OC90: variants seen among roughly 807,000 people sequenced by gnomAD.
OC90 encodes the protein otoconin 90.
In OC90, 46 loss-of-function variants were observed where a neutral mutation model predicts 47.3. The observed-to-expected ratio is 0.97, with a 90% CI of 0.77 to 1.24. The LOEUF is 1.24. Ranked by LOEUF, OC90 falls within the 50% of genes most tolerant of loss-of-function variation. The probability of loss-of-function intolerance (pLI) is 0.00; values close to 1 mark genes in which losing one functional copy is unlikely to be tolerated. For synonymous variants in OC90, 271 were observed against 219.5 expected, an observed-to-expected ratio of 1.23 and a Z score of -2.07; for missense variants, 688 against 583.9, an observed-to-expected ratio of 1.18 and a Z score of -1.84.
intron 1 of OC90, among the ~76,000 whole-genome samples, chr8:132,056,973 G>C (rs557605704): frequency 2.0e-5 from 3 of 152,292 alleles, no homozygotes; most frequent in East Asian, 3.9e-4. Flanking sequence ...TTGAGGTTTA[G>C]AGCCTGGCAA....
chr8:132,035,787 C>T (rs115274129), intron 9 of OC90, among the ~76,000 whole-genome samples: 1 of 152,156 alleles, frequency 6.6e-6, no homozygotes, highest in South Asian at 2.1e-4. Context: ...GCAAATGACT[C>T]TACTTCTCAG....
chr8:132,044,586 C>A, intron 3 of OC90, 97 bp from the exon 4 acceptor site: 1 of 712,540 alleles, frequency 1.4e-6, no homozygotes, highest in South Asian at 1.7e-5. Flanking sequence ...AACCTTTCTT[C>A]ATTCTCCAAA....
At chr8:132,039,244 T>G in intron 6 of OC90, 121 bp from the exon 7 acceptor site, 1 of 1,021,258 alleles carries the variant, frequency 9.8e-7, no homozygotes, top group Non-Finnish European at 1.5e-6. Context: ...CCTTGCAATC[T>G]CCATCTCATT....
In OC90 at chr8:132,033,101, A is replaced by C; in HGVS notation, c.797T>G (p.Ile266Ser). 6.2e-7 allele frequency: 1 copy of C among 1,609,892 alleles called. No individual in the cohort carries two copies. Among genetic ancestry groups the C allele is most frequent in the African/African-American group, 1.3e-5 (1 of 75,006 alleles). ...TGACACTGCCAGCCCCAGAGATTTA[A>C]TGCCAGCAGGGACAAGGGTTACAAT... ...AKIVTLVPAG[I>S]KSLGLAVSSV... Residue 266 changes from isoleucine to serine, a missense_variant, in exon 11 of 14, where the codon ATT becomes AGT. Transcript: ENST00000254627.
At chr8:132,043,990 A>G (rs7818833) in intron 4 of OC90, among the ~76,000 whole-genome samples, 94,213 of 152,032 alleles carry the variant, frequency 0.62, 29,743 homozygotes, top group East Asian at 0.75. Flanking sequence ...CAGTTGATAA[A>G]TGGGATCTTT....
intron 2 of OC90, among the ~76,000 whole-genome samples, chr8:132,052,522 G>A (rs1823226616): frequency 6.6e-6 from 1 of 152,152 alleles, no homozygotes; most frequent in South Asian, 2.1e-4. Context: ...TTAATAAGGT[G>A]TGCTTTCTCA....
intron 9 of OC90, among the ~76,000 whole-genome samples, chr8:132,036,088 G>A (rs1176189837): frequency 1.3e-5 from 2 of 152,124 alleles, no homozygotes; most frequent in Non-Finnish European, 2.9e-5. Context: ...ATATTTTTAG[G>A]GAAGACAGTG....
chr8:132,058,900 G>A (rs943275988), intron 1 of OC90, among the ~76,000 whole-genome samples: 2 of 151,968 alleles, frequency 1.3e-5, no homozygotes, highest in Admixed American at 6.6e-5. Context: ...TTCACAGATC[G>A]ACTCAGAGCA....
rs369078046 is a variant in OC90, at chr8:132,044,363, C to T, written c.169+70G>A. On this transcript the variant is annotated intron_variant, in intron 4 of 13. Coordinates refer to ENST00000254627, the MANE Select transcript of OC90 (RefSeq NM_001080399.3). ...CCGAGGGTTGAGACCAAGGCCCTTGCAATTTCCTTAGATTTGTCCACACAT... is the reference window on the plus strand; with the variant it reads ...CCGAGGGTTGAGACCAAGGCCCTTGTAATTTCCTTAGATTTGTCCACACAT... 174 of 874,404 alleles carry T rather than the reference C, an allele frequency of 2.0e-4. No homozygotes were observed. In the African/African-American group the frequency reaches 2.1e-3, roughly 10 times the overall value. The allele number at this position is 874,404 out of a possible 1,614,324, so 54.2% of individuals were successfully genotyped here.
chr8:132,035,342 A>G (rs914545567), intron 9 of OC90, among the ~76,000 whole-genome samples: 5 of 152,174 alleles, frequency 3.3e-5, no homozygotes, highest in Non-Finnish European at 5.9e-5. Context: ...ATATTAACTT[A>G]CCACAGCCCC....
At chr8:132,028,563 A>AAAGAAAGAAAGAAAGAAAGAAAGGAAGG (rs1354516292) in intron 13 of OC90, among the ~76,000 whole-genome samples, 9 of 31,356 alleles carry the variant, frequency 2.9e-4, no homozygotes, top group Admixed American at 9.5e-4. Flanking sequence ...AGAAAGAAAG[A>AAAGAAAGAAAGAAAGAAAGAAAGGAAGG]AAGGAAGGAA....
chr8:132,041,708 G>A lies in OC90; in HGVS notation c.170-9C>T, dbSNP rs1823056738. The A allele has an allele frequency of 6.7e-6, 10 of 1,496,972 alleles. No homozygotes were observed. Among genetic ancestry groups the A allele is most frequent in the Admixed American group, 1.7e-5 (1 of 58,160 alleles). The allele number at this position is 1,496,972 out of a possible 1,614,324, so 92.7% of individuals were successfully genotyped here. On this transcript the variant is annotated splice_polypyrimidine_tract_variant and intron_variant, in intron 4 of 13. Coordinates refer to ENST00000254627, the MANE Select transcript of OC90 (RefSeq NM_001080399.3). Reference sequence around the variant, plus strand: ...GTGGGGGCCCAGGCAATCTGTGGGGGTGGGGGGCAGGGCCTGATAAGCACT... The same window carrying A: ...GTGGGGGCCCAGGCAATCTGTGGGGATGGGGGGCAGGGCCTGATAAGCACT...
chr8:132,028,633 GGAAA>G (rs1432678859), intron 13 of OC90, among the ~76,000 whole-genome samples: 98 of 94,612 alleles, frequency 1.0e-3, no homozygotes, highest in South Asian at 1.5e-3. Flanking sequence ...AAGGAAGGAA[GGAAA>G]GAAAGGAAGG....
Position 132,024,374 on chromosome 8 carries a change from A to G in OC90, c.*107T>C. On this transcript the variant is annotated 3_prime_UTR_variant, in exon 14 of 14. Coordinates refer to ENST00000254627, the MANE Select transcript of OC90 (RefSeq NM_001080399.3). ...TCTGTTCCCTCCCCGCCTCTGAGTT[A>G]AAGGAAGGGAAGAAGGCTCCAAGGG... 2.2e-6 allele frequency: 2 copies of G among 920,768 alleles called. No homozygotes were observed. The highest frequency in any genetic ancestry group is 3.2e-6 in the Non-Finnish European group (2 of 628,884). 57.0% of individuals were successfully genotyped at this position (920,768 alleles called of 1,614,324 possible). A position where few individuals can be genotyped will look rare whatever the true frequency, so the allele number is the denominator to read the frequency against.
At chr8:132,026,206 A>G (rs992307887) in intron 13 of OC90, among the ~76,000 whole-genome samples, 1 of 152,204 alleles carries the variant, frequency 6.6e-6, no homozygotes, top group East Asian at 1.9e-4. Flanking sequence ...GTGTGACTCA[A>G]ATGAAATAAT....
chr8:132,038,973 G>C (rs939383140), intron 7 of OC90, 22 bp downstream of exon 7: 3 of 1,613,848 alleles, frequency 1.9e-6, no homozygotes, highest in African/African-American at 2.7e-5. Flanking sequence ...CCCCACGGCT[G>C]ATGCAGCCAG....
chr8:132,056,229 A>T (rs1029741383), intron 1 of OC90, among the ~76,000 whole-genome samples: 1 of 152,156 alleles, frequency 6.6e-6, no homozygotes, highest in Non-Finnish European at 1.5e-5. Context: ...AGGAAGGAGC[A>T]CTTTGTAAAA....
At chr8:132,053,416 C>A (rs1017677148) in intron 2 of OC90, among the ~76,000 whole-genome samples, 4 of 152,080 alleles carry the variant, frequency 2.6e-5, no homozygotes, top group African/African-American at 9.7e-5. Context: ...ACAGAACATC[C>A]AATAGTTGAA....
chr8:132,033,246 C>G (rs1264576886), intron 10 of OC90, 82 bp from the exon 11 acceptor site: 2 of 1,374,858 alleles, frequency 1.5e-6, no homozygotes, highest in Middle Eastern at 1.8e-4. Context: ...AAGCCAAATG[C>G]AAACAGATAG....
Sources: allele counts gnomAD v4.1 joint callset (sites outside exome capture counted in the v4.1 genomes callset), GRCh38; gene constraint gnomAD v4.1.1; transcripts MANE v1.5; gene names NCBI Gene and HGNC (gene_info 2026-07-23, HGNC 2026-07-21).